POU6F2: variants seen among roughly 807,000 people sequenced by gnomAD.
The protein encoded by POU6F2 is POU class 6 homeobox 2, also known as POU domain, class 6, transcription factor 2.
POU6F2 carries 31 observed loss-of-function variants against 71.3 expected under a neutral mutation model. The ratio of observed to expected loss-of-function variants is 0.43; its 90% confidence interval spans 0.33 to 0.59. The LOEUF (loss-of-function observed/expected upper bound fraction) is 0.59, where lower values mean the gene tolerates loss of function less well. Among genes scored for constraint, POU6F2 ranks in the 20% least tolerant of loss-of-function variants. POU6F2 has a pLI of 0.04. For missense variants in POU6F2, 783 were observed against 856.8 expected (o/e 0.91, Z 1.07); for synonymous variants, 347 against 355.7 (o/e 0.98, Z 0.27).
chr7:38,984,718 A>T (rs1431578709), intron 1 of POU6F2, among the ~76,000 whole-genome samples: 1 of 152,184 alleles, frequency 6.6e-6, no homozygotes, highest in African/African-American at 2.4e-5. Flanking sequence ...ATGCTGTGAA[A>T]TAGTACTTAT....
intron 6 of POU6F2, among the ~76,000 whole-genome samples, chr7:39,424,569 G>A (rs1787924512): frequency 6.6e-6 from 1 of 152,014 alleles, no homozygotes; most frequent in Admixed American, 6.5e-5. Context: ...ATCACTCCAG[G>A]AATAGACCAA....
At chr7:39,036,582 C>T (rs1790070262) in intron 1 of POU6F2, among the ~76,000 whole-genome samples, 2 of 151,284 alleles carry the variant, frequency 1.3e-5, no homozygotes, top group African/African-American at 4.9e-5. Context: ...GGGGAAGTTT[C>T]AAGTTTTTAG....
At chr7:39,102,424 C>T (rs751370120) in intron 2 of POU6F2, among the ~76,000 whole-genome samples, 17 of 152,084 alleles carry the variant, frequency 1.1e-4, no homozygotes, top group Non-Finnish European at 1.6e-4. Context: ...TTGTCTGCCT[C>T]CTTGCTGGGT....
At chr7:39,286,332 C>T (rs1228658860) in intron 4 of POU6F2, among the ~76,000 whole-genome samples, 1 of 152,198 alleles carries the variant, frequency 6.6e-6, no homozygotes, top group African/African-American at 2.4e-5. Context: ...AGGAAACATC[C>T]TGGCTCAGCA....
At chr7:39,174,013 G>A (rs1244142090) in intron 2 of POU6F2, among the ~76,000 whole-genome samples, 1 of 152,224 alleles carries the variant, frequency 6.6e-6, no homozygotes, top group Non-Finnish European at 1.5e-5. Context: ...AGAGATTTCT[G>A]AGCCAGAAAA....
At position 39,171,599 on chromosome 7, in the gene POU6F2, A is replaced by G. The variant is rs149207200; in HGVS notation, c.278-32636A>G. Among the ~76,000 whole-genome samples the G allele has an allele frequency of 1.2e-3, 183 of 152,338 alleles. 1 individual carries two copies. The highest frequency in any genetic ancestry group is 4.3e-3 in the African/African-American group (179 of 41,586). ...TAAAAAGAAAAAAAGATGTTCACCT[A>G]TAAAACAAAAATAATCCCTCAACTG... On this transcript the variant is annotated intron_variant, in intron 2 of 9. Transcript: ENST00000518318.
chr7:39,148,485 A>G (rs1792667503), intron 2 of POU6F2, among the ~76,000 whole-genome samples: 1 of 151,942 alleles, frequency 6.6e-6, no homozygotes, highest in Admixed American at 6.6e-5. Context: ...TATCCTCCCC[A>G]GGAATAGAGG....
At chr7:39,310,803 T>A (rs1785147925) in intron 4 of POU6F2, among the ~76,000 whole-genome samples, 1 of 152,164 alleles carries the variant, frequency 6.6e-6, no homozygotes, top group Non-Finnish European at 1.5e-5. Context: ...GGCAGGGTGC[T>A]GGTGAAGTCC....
intron 2 of POU6F2, among the ~76,000 whole-genome samples, chr7:39,142,198 T>C (rs1792517134): frequency 6.6e-6 from 1 of 152,216 alleles, no homozygotes; most frequent in Non-Finnish European, 1.5e-5. Flanking sequence ...TTAACTCTTT[T>C]GTGAAGAGCA....
intron 7 of POU6F2, among the ~76,000 whole-genome samples, chr7:39,446,269 A>G (rs1788521444): frequency 6.6e-6 from 1 of 152,206 alleles, no homozygotes; most frequent in South Asian, 2.1e-4. Flanking sequence ...GCTCTCTGAC[A>G]TCTTTGTTGA....
At chr7:39,069,004 A>G (rs1448700621) in intron 1 of POU6F2, among the ~76,000 whole-genome samples, 1 of 152,170 alleles carries the variant, frequency 6.6e-6, no homozygotes, top group Non-Finnish European at 1.5e-5. Flanking sequence ...GGACCTGCGG[A>G]TCACACATAA....
chr7:39,160,005 G>A lies in POU6F2; in HGVS notation c.278-44230G>A, dbSNP rs115493567. ...GATTCTGACATAACATGAGAGGGCC[G>A]CTATCTTGATTCAGTGTCTCTGATG... On this transcript the variant is annotated intron_variant, in intron 2 of 9. Coordinates refer to ENST00000518318, the MANE Select transcript of POU6F2 (RefSeq NM_001370959.1). Among the ~76,000 whole-genome samples the A allele has an allele frequency of 5.2e-3, 791 of 152,172 alleles. 8 individuals carry two copies. The highest frequency in any genetic ancestry group is 0.018 in the African/African-American group (750 of 41,516).
At chr7:39,394,749 A>G (rs1156890076) in intron 5 of POU6F2, among the ~76,000 whole-genome samples, 1 of 152,038 alleles carries the variant, frequency 6.6e-6, no homozygotes, top group Non-Finnish European at 1.5e-5. Context: ...AGCTGCTATC[A>G]GTTCTTTTGT....
At chr7:39,329,680 G>C (rs1785596888) in intron 4 of POU6F2, among the ~76,000 whole-genome samples, 1 of 152,160 alleles carries the variant, frequency 6.6e-6, no homozygotes, top group African/African-American at 2.4e-5. Context: ...CCTGGAATCA[G>C]GATGAGGCTG....
chr7:39,093,192 TCAC>T (rs1454101080), intron 2 of POU6F2, among the ~76,000 whole-genome samples: 2 of 152,006 alleles, frequency 1.3e-5, no homozygotes, highest in African/African-American at 4.8e-5. Flanking sequence ...TCAAAGCAAG[TCAC>T]TATTATTGGA....
intron 6 of POU6F2, among the ~76,000 whole-genome samples, chr7:39,410,921 T>A (rs1488275553): frequency 1.3e-5 from 2 of 152,226 alleles, no homozygotes; most frequent in Non-Finnish European, 2.9e-5. Flanking sequence ...TTCCTTATTC[T>A]GTGCTTCAAT....
chr7:38,993,166 T>A (rs1788646426), intron 1 of POU6F2, among the ~76,000 whole-genome samples: 1 of 152,200 alleles, frequency 6.6e-6, no homozygotes, highest in African/African-American at 2.4e-5. Context: ...TGACATTTAA[T>A]TTTTTCTTGG....
chr7:39,307,606 T>C (rs1785071760), intron 4 of POU6F2, among the ~76,000 whole-genome samples: 1 of 152,190 alleles, frequency 6.6e-6, no homozygotes, highest in Non-Finnish European at 1.5e-5. Context: ...TAGAGCTTCA[T>C]GTGTTATTGG....
At chr7:39,417,924 G>C (rs1787717682) in intron 6 of POU6F2, among the ~76,000 whole-genome samples, 1 of 152,196 alleles carries the variant, frequency 6.6e-6, no homozygotes, top group Non-Finnish European at 1.5e-5. Context: ...AGGAGGATTA[G>C]TATTAATAGC....
Sources: gnomAD v4.1 joint callset for allele counts (sites outside exome capture counted in the v4.1 genomes callset) on GRCh38, gnomAD v4.1.1 for gene constraint, MANE v1.5 for transcripts, NCBI Gene and HGNC (gene_info 2026-07-23, HGNC 2026-07-21) for gene names.